GRID1: variants seen among roughly 807,000 people sequenced by gnomAD.
GRID1 encodes the protein glutamate receptor ionotropic, delta-1.
GRID1 carries 28 observed loss-of-function variants against 98.0 expected under a neutral mutation model. The observed-to-expected ratio is 0.29, with a 90% CI of 0.21 to 0.39. GRID1 has a LOEUF of 0.39. Among genes scored for constraint, GRID1 ranks in the 10% least tolerant of loss-of-function variants. GRID1 has a pLI of 1.00. For missense variants in GRID1, 1,111 were observed against 1,340.5 expected, an observed-to-expected ratio of 0.83 and a Z score of 2.67; for synonymous variants, 553 against 538.5, an observed-to-expected ratio of 1.03 and a Z score of -0.37.
At chr10:86,081,093 G>A (rs1450567773) in intron 4 of GRID1, among the ~76,000 whole-genome samples, 1 of 152,170 alleles carries the variant, frequency 6.6e-6, no homozygotes, top group Non-Finnish European at 1.5e-5. Flanking sequence ...AGAATGGGAA[G>A]AGCTGCAGTG....
intron 12 of GRID1, among the ~76,000 whole-genome samples, chr10:85,678,156 A>G (rs984007784): frequency 1.3e-5 from 2 of 152,270 alleles, no homozygotes; most frequent in Admixed American, 1.3e-4. Flanking sequence ...TGGCTCCCTA[A>G]GAAGCATTTC....
At chr10:86,168,694 C>T (rs1343962597) in intron 3 of GRID1, among the ~76,000 whole-genome samples, 2 of 152,216 alleles carry the variant, frequency 1.3e-5, no homozygotes, top group Admixed American at 1.3e-4. Context: ...AAAGAACACA[C>T]TCAGGCTTTG....
chr10:86,344,731 C>A (rs769026790), intron 2 of GRID1, among the ~76,000 whole-genome samples: 11 of 152,234 alleles, frequency 7.2e-5, no homozygotes, highest in African/African-American at 2.7e-4. Context: ...CTCTAGACAA[C>A]TCTTGTGGCC....
At chr10:85,658,278 C>CA (rs1840926208) in intron 12 of GRID1, among the ~76,000 whole-genome samples, 1 of 152,154 alleles carries the variant, frequency 6.6e-6, no homozygotes, top group Admixed American at 6.5e-5. Flanking sequence ...TCAGCTTCTC[C>CA]AGCAGTCACT....
At chr10:85,729,640 A>G (rs1367523244) in intron 8 of GRID1, 26 bp from the exon 9 acceptor site, 3 of 1,491,732 alleles carry the variant, frequency 2.0e-6, no homozygotes, top group East Asian at 2.3e-5. Flanking sequence ...AAAGATTGTG[A>G]GGGATGGAAC....
chr10:86,234,611 G>T (rs11201948), intron 2 of GRID1, among the ~76,000 whole-genome samples: 3,404 of 152,300 alleles, frequency 0.022, 52 homozygotes, highest in Middle Eastern at 0.068. Flanking sequence ...GCAAGCCATG[G>T]CCCAAGCCCC....
At chr10:85,855,021 G>A (rs1843095922) in intron 7 of GRID1, among the ~76,000 whole-genome samples, 1 of 152,196 alleles carries the variant, frequency 6.6e-6, no homozygotes, top group Non-Finnish European at 1.5e-5. Context: ...GTCAACAGGA[G>A]ACATATCAGA....
rs534147002 is a variant in GRID1, at chr10:85,908,860, T to C, written c.780+7326A>G. Among the ~76,000 whole-genome samples, 12 of 152,242 alleles carry C rather than the reference T, an allele frequency of 7.9e-5. No individual in the cohort carries two copies. In the East Asian group the frequency reaches 1.5e-3, roughly 20 times the overall value. ...GACAGAAAAAAATAGATCAATGGAA[T>C]AGAATCAAGAGTCCAGGCAGTTTTC... is the stretch of plus-strand genomic sequence containing the variant. On this transcript the variant is annotated intron_variant, in intron 5 of 15. Coordinates refer to ENST00000327946, the MANE Select transcript of GRID1 (RefSeq NM_017551.3).
At chr10:85,838,013 T>G (rs930404192) in intron 8 of GRID1, among the ~76,000 whole-genome samples, 1 of 152,116 alleles carries the variant, frequency 6.6e-6, no homozygotes, top group Non-Finnish European at 1.5e-5. Flanking sequence ...AATTTCATAA[T>G]GCAATCACAA....
chr10:85,866,633 C>T (rs1193253843), intron 6 of GRID1, among the ~76,000 whole-genome samples: 3 of 152,116 alleles, frequency 2.0e-5, no homozygotes, highest in African/African-American at 7.2e-5. Context: ...CTCAACTGTA[C>T]TGCTAATAGC....
intron 4 of GRID1, among the ~76,000 whole-genome samples, chr10:86,125,313 T>A (rs1357605669): frequency 6.6e-6 from 1 of 152,206 alleles, no homozygotes; most frequent in East Asian, 1.9e-4. Flanking sequence ...AGAGTCAGTG[T>A]GCCCCAAATG....
chr10:86,264,553 C>A, intron 2 of GRID1: 1 of 432,108 alleles, frequency 2.3e-6, no homozygotes, highest in Non-Finnish European at 4.6e-6. Flanking sequence ...AGGCTGGCCA[C>A]TCCACCTGGA....
At chr10:86,187,282 C>G (rs1272420190) in intron 3 of GRID1, among the ~76,000 whole-genome samples, 1 of 152,164 alleles carries the variant, frequency 6.6e-6, no homozygotes, top group Non-Finnish European at 1.5e-5. Context: ...TTCTATGAGA[C>G]AGGCACTGAG....
chr10:85,892,993 C>T lies in GRID1; in HGVS notation c.780+23193G>A, dbSNP rs1782497439. ...TTTCTTTAAAATATCTTAGCCAATA[C>T]TTTAGCTAAAATATTTTAATTTTGA... is the stretch of plus-strand genomic sequence containing the variant. On this transcript the variant is annotated intron_variant, in intron 5 of 15. Coordinates refer to ENST00000327946, the MANE Select transcript of GRID1 (RefSeq NM_017551.3). Among the ~76,000 whole-genome samples, 4 of 152,116 alleles carry T rather than the reference C, an allele frequency of 2.6e-5. No individual in the cohort carries two copies. The South Asian group carries it at 6.2e-4, about 24-fold the overall frequency.
chr10:86,001,085 C>T (rs1810494354), intron 4 of GRID1, among the ~76,000 whole-genome samples: 1 of 152,170 alleles, frequency 6.6e-6, no homozygotes, highest in South Asian at 2.1e-4. Context: ...GTAAAAGCAG[C>T]TGGTCTCAAA....
chr10:85,769,516 G>A (rs1227598732), intron 8 of GRID1, among the ~76,000 whole-genome samples: 3 of 152,290 alleles, frequency 2.0e-5, no homozygotes, highest in Middle Eastern at 3.4e-3. Context: ...CCGAAGCAGG[G>A]CGAGGCATTG....
chr10:85,633,683 C>T (rs1196173028), intron 13 of GRID1, among the ~76,000 whole-genome samples: 3 of 152,170 alleles, frequency 2.0e-5, no homozygotes, highest in Non-Finnish European at 2.9e-5. Flanking sequence ...CCATTTGTGG[C>T]TAAGTATTCC....
intron 5 of GRID1, among the ~76,000 whole-genome samples, chr10:85,871,904 G>A (rs902839156): frequency 6.6e-6 from 1 of 152,178 alleles, no homozygotes; most frequent in Non-Finnish European, 1.5e-5. Flanking sequence ...TTGGATTTGG[G>A]TTTAAACTAC....
At chr10:85,816,413 C>T (rs1180566679) in intron 8 of GRID1, among the ~76,000 whole-genome samples, 3 of 152,166 alleles carry the variant, frequency 2.0e-5, no homozygotes, top group Non-Finnish European at 4.4e-5. Flanking sequence ...TGAAAGAAGA[C>T]AGACCCCAAA....
Sources: gnomAD v4.1 joint callset for allele counts (sites outside exome capture counted in the v4.1 genomes callset) on GRCh38, gnomAD v4.1.1 for gene constraint, MANE v1.5 for transcripts, NCBI Gene and HGNC (gene_info 2026-07-23, HGNC 2026-07-21) for gene names.